TMPRSS11E: variants seen among roughly 807,000 people sequenced by gnomAD.
TMPRSS11E encodes the protein transmembrane protease serine 11E.
Under a neutral mutation model 48.1 loss-of-function variants are expected in TMPRSS11E, and 38 were observed. The ratio of observed to expected loss-of-function variants is 0.79; its 90% CI spans 0.61 to 1.04. The LOEUF (loss-of-function observed/expected upper bound fraction) is 1.04, where lower values mean the gene tolerates loss of function less well. Among genes scored for constraint, TMPRSS11E ranks in the 50% least tolerant of loss-of-function variants. The probability of loss-of-function intolerance (pLI) is 0.00; values close to 1 mark genes in which losing one functional copy is unlikely to be tolerated. For synonymous variants in TMPRSS11E, 158 were observed against 171.9 expected, an observed-to-expected ratio of 0.92 and a Z score of 0.63; for missense variants, 530 against 510.8, an observed-to-expected ratio of 1.04 and a Z score of -0.36.
At chr4:68,489,792 T>C (rs993754013) in intron 9 of TMPRSS11E, among the ~76,000 whole-genome samples, 4 of 152,252 alleles carry the variant, frequency 2.6e-5, no homozygotes, top group African/African-American at 9.6e-5. Flanking sequence ...AGCGAGTGCT[T>C]GGATCAGATT....
rs1226221019 is a variant in TMPRSS11E at position 68,450,666 on chromosome 4, G to A, written c.11+3143G>A. 2.0e-5 allele frequency among the ~76,000 whole-genome samples: 3 copies of A among 151,876 alleles called. No individual in the cohort carries two copies. In the East Asian group the frequency reaches 5.8e-4, roughly 29 times the overall value. ...CATTTATGCTGAGGAAAGAAGTGTG[G>A]AGGTGTAATTTTACTTTCATTTATA... On this transcript the variant is annotated intron_variant, in intron 1 of 9. Transcript: ENST00000305363.
intron 3 of TMPRSS11E, 36 bp from the exon 4 acceptor site, chr4:68,468,843 T>A (rs569225299): frequency 7.1e-7 from 1 of 1,404,640 alleles, no homozygotes; most frequent in Non-Finnish European, 1.0e-6. Flanking sequence ...CAGAAAGTTG[T>A]TCTTGCTGAT....
chr4:68,467,063 T>C (rs1728947153), intron 3 of TMPRSS11E, among the ~76,000 whole-genome samples: 1 of 152,066 alleles, frequency 6.6e-6, no homozygotes, highest in Non-Finnish European at 1.5e-5. Flanking sequence ...GCTTAAAATA[T>C]ATTTGTTGTA....
chr4:68,495,666 C>T (rs927887312), intron 9 of TMPRSS11E, among the ~76,000 whole-genome samples: 2 of 152,032 alleles, frequency 1.3e-5, no homozygotes, highest in African/African-American at 4.8e-5. Context: ...AGGAAGTTAG[C>T]ATAACGTAGG....
At chr4:68,489,245 C>T (rs1218826154) in intron 9 of TMPRSS11E, among the ~76,000 whole-genome samples, 4 of 152,162 alleles carry the variant, frequency 2.6e-5, no homozygotes, top group African/African-American at 9.7e-5. Flanking sequence ...CTCAGCACTC[C>T]TGGGCTGCAT....
chr4:68,454,285 C>T (rs572352480), intron 1 of TMPRSS11E, among the ~76,000 whole-genome samples: 25 of 151,766 alleles, frequency 1.6e-4, no homozygotes, highest in African/African-American at 1.5e-4. Context: ...ATGAATTAAA[C>T]GCATGGACAT....
At chr4:68,461,595 T>C (rs1014170158) in intron 1 of TMPRSS11E, among the ~76,000 whole-genome samples, 3 of 152,188 alleles carry the variant, frequency 2.0e-5, no homozygotes, top group Non-Finnish European at 4.4e-5. Flanking sequence ...ATCATCTTCC[T>C]TTTATGGATG....
chr4:68,487,131 A>G (rs138528053), intron 9 of TMPRSS11E, among the ~76,000 whole-genome samples: 37,273 of 152,058 alleles, frequency 0.25, 5,623 homozygotes, highest in East Asian at 0.77. Context: ...TTCAAGTTAT[A>G]ATATTGATAT....
At chr4:68,489,641 A>G (rs574725552) in intron 9 of TMPRSS11E, among the ~76,000 whole-genome samples, 1 of 152,350 alleles carries the variant, frequency 6.6e-6, no homozygotes, top group South Asian at 2.1e-4. Context: ...ACCTGCCTTC[A>G]GGAGCTCTCC....
intron 1 of TMPRSS11E, among the ~76,000 whole-genome samples, chr4:68,456,458 T>G (rs1178773124): frequency 6.6e-6 from 1 of 152,014 alleles, no homozygotes; most frequent in Admixed American, 6.6e-5. Context: ...ATTTCTTCTT[T>G]TTTTAAAAAA....
intron 9 of TMPRSS11E, among the ~76,000 whole-genome samples, chr4:68,482,447 G>A (rs900838069): frequency 2.6e-5 from 4 of 151,762 alleles, no homozygotes; most frequent in Non-Finnish European, 5.9e-5. Context: ...AACTCATTCC[G>A]ACTTTAACTC....
chr4:68,455,200 A>T (rs147210341), intron 1 of TMPRSS11E, among the ~76,000 whole-genome samples: 4,038 of 152,070 alleles, frequency 0.027, 179 homozygotes, highest in African/African-American at 0.092. Flanking sequence ...ATTGTAGTCA[A>T]CAGAAAAATG....
chr4:68,485,297 C>T (rs1415057615), intron 9 of TMPRSS11E, among the ~76,000 whole-genome samples: 1 of 152,072 alleles, frequency 6.6e-6, no homozygotes, highest in Non-Finnish European at 1.5e-5. Flanking sequence ...CAGGTGCCAA[C>T]CACCATGCCT....
Position 68,466,657 on chromosome 4 carries a change from A to T in TMPRSS11E, c.163A>T (p.Ser55Cys), listed in dbSNP as rs767602815. ...YNQKKTYNYY[S>C]TLSFTTDKLY... is the part of the protein sequence containing the mutation. The stretch of plus-strand genomic sequence containing the variant: ...TCAAAAGAAGACCTACAATTACTAT[A>T]GCACATTGTCATTTACAACTGACAA... Residue 55 changes from serine to cysteine, a missense_variant, in exon 3 of 10, where the codon AGC becomes TGC. Physicochemically the swap from Ser to Cys is moderately radical, Grantham distance 112. Transcript: ENST00000305363. 6.2e-7 allele frequency: 1 copy of T among 1,613,302 alleles called. No individual in the cohort carries two copies.
chr4:68,479,338 C>G (rs1052005324), intron 9 of TMPRSS11E, among the ~76,000 whole-genome samples: 6 of 151,948 alleles, frequency 3.9e-5, no homozygotes, highest in Non-Finnish European at 5.9e-5. Flanking sequence ...TTCTCCATCT[C>G]TATAATTTTT....
chr4:68,466,812 C>A (rs1728940043), intron 3 of TMPRSS11E, 60 bp downstream of exon 3: 1 of 1,598,502 alleles, frequency 6.3e-7, no homozygotes, highest in Non-Finnish European at 8.5e-7. Context: ...ATATTTTTAG[C>A]ATCCTAGCTT....
rs1430231740 is a variant in TMPRSS11E, at chr4:68,477,312, A to G, written c.708-57A>G. The G allele has an allele frequency of 8.7e-6, 13 of 1,487,378 alleles. No individual in the cohort carries two copies. In the East Asian group the frequency reaches 2.5e-4, roughly 28 times the overall value. The allele number at this position is 1,487,378 out of a possible 1,614,324, so 92.1% of individuals were successfully genotyped here. On this transcript the variant is annotated intron_variant, in intron 7 of 9. Coordinates refer to ENST00000305363, the MANE Select transcript of TMPRSS11E (RefSeq NM_014058.4). ...CTGTAGACTAAATTATTTAATATAA[A>G]TTATTCGACTGGTAGCATGGTAAAA...
intron 2 of TMPRSS11E, among the ~76,000 whole-genome samples, chr4:68,465,724 G>C (rs1402002861): frequency 3.3e-5 from 5 of 152,112 alleles, no homozygotes; most frequent in African/African-American, 1.2e-4. Flanking sequence ...ACTGTGACTG[G>C]ATGAGCCACA....
rs557846817 is a variant in TMPRSS11E, at chr4:68,477,270, G to GA, written c.708-90dup. 6.9e-4 allele frequency: 842 copies of GA among 1,227,398 alleles called. 6 individuals carry two copies. The highest frequency in any genetic ancestry group is 3.2e-3 in the East Asian group (131 of 41,002). The allele number at this position is 1,227,398 out of a possible 1,614,324, so 76.0% of individuals were successfully genotyped here. A position where few individuals can be genotyped will look rare whatever the true frequency, so the allele number is the denominator to read the frequency against. The stretch of plus-strand genomic sequence containing the variant: ...GTTCTATACATCAAAACTATAAAAA[G>GA]AAAAAAAAATCTACACCTGTAGACT... On this transcript the variant is annotated intron_variant, in intron 7 of 9. Coordinates refer to ENST00000305363, the MANE Select transcript of TMPRSS11E (RefSeq NM_014058.4).
Sources: allele counts gnomAD v4.1 joint callset (sites outside exome capture counted in the v4.1 genomes callset), GRCh38; gene constraint gnomAD v4.1.1; transcripts MANE v1.5; gene names NCBI Gene and HGNC (gene_info 2026-07-23, HGNC 2026-07-21).